The following SLC14A2 variants were observed in gnomAD, a reference collection of about 807,000 sequenced individuals.
SLC14A2 encodes urea transporter 2.
SLC14A2 carries 91 observed loss-of-function variants against 104.6 expected under a neutral mutation model. The ratio of observed to expected loss-of-function variants is 0.87; its 90% CI spans 0.73 to 1.04. The LOEUF is 1.04. Ranked by LOEUF, SLC14A2 falls within the 50% of genes least tolerant of loss-of-function variation. The pLI is 0.00. For missense variants in SLC14A2, 1,189 were observed against 1,156.0 expected, an observed-to-expected ratio of 1.03 and a Z score of -0.41; for synonymous variants, 476 against 466.4, an observed-to-expected ratio of 1.02 and a Z score of -0.27.
At chr18:45,365,045 T>C (rs2085652842) in intron 1 of SLC14A2, among the ~76,000 whole-genome samples, 2 of 152,158 alleles carry the variant, frequency 1.3e-5, no homozygotes, top group African/African-American at 4.8e-5. Flanking sequence ...AGGAATCCTC[T>C]CTGATTGAAA....
At chr18:45,519,970 A>G (rs1046296964) in intron 2 of SLC14A2, among the ~76,000 whole-genome samples, 7 of 152,188 alleles carry the variant, frequency 4.6e-5, no homozygotes, top group African/African-American at 7.2e-5. Flanking sequence ...CCTTGCATAC[A>G]TGGATGGGAG....
intron 1 of SLC14A2, among the ~76,000 whole-genome samples, chr18:45,470,770 C>T (rs924495353): frequency 5.9e-5 from 9 of 151,982 alleles, no homozygotes; most frequent in African/African-American, 9.6e-5. Flanking sequence ...ATGATGATGA[C>T]GATGATGATG....
chr18:45,637,241 C>G (rs866616446), intron 6 of SLC14A2, 59 bp downstream of exon 6: 1 of 1,411,418 alleles, frequency 7.1e-7, no homozygotes, highest in Middle Eastern at 1.8e-4. Flanking sequence ...ACCTTCTCGC[C>G]AACCAATTTG....
intron 18 of SLC14A2, among the ~76,000 whole-genome samples, chr18:45,675,709 A>ATATATATTTTTT (rs57989993): frequency 3.8e-5 from 3 of 78,386 alleles, no homozygotes; most frequent in Admixed American, 1.7e-4. Context: ...ATATATATAT[A>ATATATATTTTTT]TTTTTTTTTT....
intron 1 of SLC14A2, among the ~76,000 whole-genome samples, chr18:45,415,362 G>A (rs977108126): frequency 1.3e-5 from 2 of 152,104 alleles, no homozygotes; most frequent in African/African-American, 4.8e-5. Context: ...TACTCTTGGA[G>A]TGTCCCAGTA....
chr18:45,454,608 G>A (rs931157252), intron 1 of SLC14A2, among the ~76,000 whole-genome samples: 1 of 152,098 alleles, frequency 6.6e-6, no homozygotes, highest in East Asian at 1.9e-4. Flanking sequence ...TATTGCCTAG[G>A]TTTTCTTAGA....
intron 1 of SLC14A2, among the ~76,000 whole-genome samples, chr18:45,272,699 T>C (rs544252748): frequency 3.3e-4 from 50 of 152,182 alleles, no homozygotes; most frequent in Middle Eastern, 3.4e-3. Context: ...GGAAGCACAA[T>C]AGGGTGACTT....
intron 2 of SLC14A2, among the ~76,000 whole-genome samples, chr18:45,496,764 C>T (rs1320450529): frequency 6.6e-6 from 1 of 151,864 alleles, no homozygotes; most frequent in Non-Finnish European, 1.5e-5. Context: ...GCCTAGGCAA[C>T]AAGAGCAAGA....
At chr18:45,445,332 G>A (rs903159438) in intron 1 of SLC14A2, among the ~76,000 whole-genome samples, 1 of 151,974 alleles carries the variant, frequency 6.6e-6, no homozygotes, top group African/African-American at 2.4e-5. Context: ...GGCAGATCTC[G>A]AACTCCTGAC....
At chr18:45,385,280 A>G (rs1392194713) in intron 1 of SLC14A2, among the ~76,000 whole-genome samples, 1 of 152,242 alleles carries the variant, frequency 6.6e-6, no homozygotes, top group Admixed American at 6.5e-5. Flanking sequence ...CTGCAGGTTG[A>G]TAACGCTTTC....
At chr18:45,478,009 C>T (rs1290364961) in intron 1 of SLC14A2, among the ~76,000 whole-genome samples, 6 of 152,146 alleles carry the variant, frequency 3.9e-5, no homozygotes, top group South Asian at 2.1e-4. Flanking sequence ...GTCTCACTGG[C>T]GTTCCAGGTG....
intron 1 of SLC14A2, among the ~76,000 whole-genome samples, chr18:45,281,338 C>T (rs1018981705): frequency 1.3e-5 from 2 of 152,164 alleles, no homozygotes; most frequent in African/African-American, 4.8e-5. Context: ...TACACACACA[C>T]GTGCACGTGG....
chr18:45,593,732 G>C (rs1172888307), intron 2 of SLC14A2, among the ~76,000 whole-genome samples: 1 of 151,896 alleles, frequency 6.6e-6, no homozygotes, highest in Non-Finnish European at 1.5e-5. Flanking sequence ...CTCTTGATCC[G>C]TCCACCTCGG....
rs185776964 is a variant in SLC14A2 at position 45,524,921 on chromosome 18, G to A, written c.-35+41599G>A. 1.4e-4 allele frequency among the ~76,000 whole-genome samples: 21 copies of A among 152,250 alleles called. No homozygotes were observed. The East Asian group carries it at 3.9e-3, about 28-fold the overall frequency. ...CCCAACTTTGGTGAGATTTCTGGTAGGACTAATTCAGGAGACTTAAAGCAT... is the reference window on the plus strand; with the variant it reads ...CCCAACTTTGGTGAGATTTCTGGTAAGACTAATTCAGGAGACTTAAAGCAT... On this transcript the variant is annotated intron_variant, in intron 2 of 20. Transcript: ENST00000586448.
At chr18:45,416,324 C>T (rs528813875) in intron 1 of SLC14A2, among the ~76,000 whole-genome samples, 1 of 150,710 alleles carries the variant, frequency 6.6e-6, no homozygotes, top group Non-Finnish European at 1.5e-5. Flanking sequence ...AACAGGTTGC[C>T]ATAGCAACCA....
At chr18:45,399,964 C>T (rs1452637327) in intron 1 of SLC14A2, among the ~76,000 whole-genome samples, 1 of 152,164 alleles carries the variant, frequency 6.6e-6, no homozygotes, top group East Asian at 1.9e-4. Flanking sequence ...TGTCTTATCA[C>T]CACTCATGGC....
chr18:45,328,677 A>G (rs2085259836), intron 1 of SLC14A2, among the ~76,000 whole-genome samples: 1 of 152,222 alleles, frequency 6.6e-6, no homozygotes, highest in Admixed American at 6.5e-5. Flanking sequence ...GGTAGATTAC[A>G]TGTTATGTAA....
chr18:45,604,707 A>G (rs1308024344), intron 2 of SLC14A2, among the ~76,000 whole-genome samples: 1 of 152,218 alleles, frequency 6.6e-6, no homozygotes, highest in Non-Finnish European at 1.5e-5. Context: ...TATAAATTAC[A>G]TATGTGTACA....
intron 10 of SLC14A2, among the ~76,000 whole-genome samples, chr18:45,657,251 C>T (rs1353652592): frequency 1.3e-5 from 2 of 152,070 alleles, no homozygotes; most frequent in Non-Finnish European, 2.9e-5. Context: ...GCGGGTGGAT[C>T]ACCTGAGGTC....
Sources: gnomAD v4.1 joint callset for allele counts (sites outside exome capture counted in the v4.1 genomes callset) on GRCh38, gnomAD v4.1.1 for gene constraint, MANE v1.5 for transcripts, NCBI Gene and HGNC (gene_info 2026-07-23, HGNC 2026-07-21) for gene names.